Variants in GABRB3 observed in about 807,000 individuals in gnomAD.
GABRB3 encodes the protein gamma-aminobutyric acid type A receptor subunit beta3, also known as gamma-aminobutyric acid receptor subunit beta-3.
A neutral mutation model predicts 52.1 loss-of-function variants in GABRB3; 14 were observed. That is an observed-to-expected ratio of 0.27 (90% confidence interval 0.18 to 0.42). The LOEUF (loss-of-function observed/expected upper bound fraction) is 0.42. Ranked by LOEUF, GABRB3 falls within the 10% of genes least tolerant of loss-of-function variation. The pLI, the probability that GABRB3 is intolerant of heterozygous loss-of-function variation, is 1.00. For synonymous variants in GABRB3, 260 were observed against 232.3 expected (o/e 1.12, Z -1.08); for missense variants, 307 against 609.1 (o/e 0.50, Z 5.22).
intron 8 of GABRB3, chr15:26,550,075 A>G (rs1283895520): frequency 6.6e-6 from 1 of 152,180 alleles, no homozygotes; most frequent in Non-Finnish European, 1.5e-5. Flanking sequence ...ACATACCCTA[A>G]GATAGGAAGA....
intron 3 of GABRB3, among the ~76,000 whole-genome samples, chr15:26,765,558 T>C (rs1393792374): frequency 6.6e-6 from 1 of 152,258 alleles, no homozygotes; most frequent in Non-Finnish European, 1.5e-5. Flanking sequence ...ACTTTCTTCA[T>C]GCACTTATAT....
chr15:26,708,588 G>C (rs1178854144), intron 3 of GABRB3, among the ~76,000 whole-genome samples: 1 of 152,188 alleles, frequency 6.6e-6, no homozygotes. Flanking sequence ...CAGGGAATAG[G>C]CGATGAAGCT....
chr15:26,603,705 A>G (rs1367386520), intron 4 of GABRB3, among the ~76,000 whole-genome samples: 1 of 152,124 alleles, frequency 6.6e-6, no homozygotes, highest in Non-Finnish European at 1.5e-5. Flanking sequence ...CTAAAAAATC[A>G]TTGCATAAAA....
intron 4 of GABRB3, among the ~76,000 whole-genome samples, chr15:26,593,085 A>G (rs1276599319): frequency 6.6e-6 from 1 of 152,160 alleles, no homozygotes; most frequent in Non-Finnish European, 1.5e-5. Flanking sequence ...CCCAGATAAC[A>G]TTCCCAGGTG....
intron 6 of GABRB3, among the ~76,000 whole-genome samples, chr15:26,579,093 G>A (rs371591207): frequency 1.1e-4 from 17 of 152,310 alleles, no homozygotes; most frequent in African/African-American, 4.1e-4. Context: ...TAGGGGCTGG[G>A]GTGGAGAGGA....
intron 4 of GABRB3, among the ~76,000 whole-genome samples, chr15:26,604,387 G>A (rs1231103923): frequency 6.6e-6 from 1 of 152,030 alleles, no homozygotes; most frequent in Non-Finnish European, 1.5e-5. Flanking sequence ...AAATACCAAT[G>A]ACATTCTTCA....
Position 26,547,974 on chromosome 15 carries a change from C to T in GABRB3, c.1241G>A (p.Arg414Gln), listed in dbSNP as rs373229638. The T allele has an allele frequency of 1.2e-5, 20 of 1,614,072 alleles. No individual in the cohort carries two copies. The highest frequency in any genetic ancestry group is 3.3e-5 in the Admixed American group (2 of 60,004). Residue 414 changes from arginine (R) to glutamine (Q), a missense_variant, in exon 9 of 9, where the codon CGA becomes CAA. Around this residue, in one of 6 missense-constraint regions of GABRB3, gnomAD observed 115 missense variants for 166.9 expected, o/e 0.69. Coordinates refer to ENST00000311550, the MANE Select transcript of GABRB3 (RefSeq NM_000814.6). ...CGGGAGGCTTCTGTCCCCCAGGAAT[C>T]GCCCATGCCCTTCTCGAGGCATGCT... ...KQSMPREGHG[R>Q]FLGDRSLPHK...
chr15:26,691,248 GTA>G (rs1204994207), intron 3 of GABRB3, among the ~76,000 whole-genome samples: 1 of 151,766 alleles, frequency 6.6e-6, no homozygotes, highest in Non-Finnish European at 1.5e-5. Context: ...TATGAGTTTT[GTA>G]TATGAGTTTC....
intron 3 of GABRB3, among the ~76,000 whole-genome samples, chr15:26,741,730 T>A (rs1179170875): frequency 6.6e-6 from 1 of 152,082 alleles, no homozygotes; most frequent in Non-Finnish European, 1.5e-5. Context: ...TGCCTCAGCC[T>A]CCCGAGTAGG....
chr15:26,556,999 T>G (rs1026142088), intron 8 of GABRB3, among the ~76,000 whole-genome samples: 1 of 152,130 alleles, frequency 6.6e-6, no homozygotes, highest in African/African-American at 2.4e-5. Context: ...CACAGCATTA[T>G]TCACAATAGT....
intron 3 of GABRB3, among the ~76,000 whole-genome samples, chr15:26,760,565 C>T (rs1053252960): frequency 4.6e-5 from 7 of 152,050 alleles, no homozygotes; most frequent in Non-Finnish European, 1.0e-4. Flanking sequence ...AAATCTTAAG[C>T]CTGGAGAACC....
chr15:26,674,468 G>GAA (rs1202087889), intron 3 of GABRB3, among the ~76,000 whole-genome samples: 1 of 83,922 alleles, frequency 1.2e-5, no homozygotes, highest in Non-Finnish European at 2.5e-5. Flanking sequence ...AAAAGAAAAA[G>GAA]AAAGAAAGAA....
At chr15:26,590,265 G>A (rs971928715) in intron 4 of GABRB3, 2 of 152,134 alleles carry the variant, frequency 1.3e-5, no homozygotes, top group Non-Finnish European at 2.9e-5. Flanking sequence ...TAAGCTAGCA[G>A]GACCTGGAAG....
intron 3 of GABRB3, among the ~76,000 whole-genome samples, chr15:26,694,262 C>T (rs1202803378): frequency 6.6e-6 from 1 of 152,172 alleles, no homozygotes; most frequent in Non-Finnish European, 1.5e-5. Context: ...TCTTCTCTCA[C>T]TTAACGGGGA....
chr15:26,580,605 G>A, intron 5 of GABRB3, 149 bp from the exon 6 acceptor site: 1 of 1,005,366 alleles, frequency 9.9e-7, no homozygotes, highest in South Asian at 1.3e-5. Flanking sequence ...TGTCATCAAA[G>A]AACTAACTTT....
chr15:26,735,955 CAAAAAAA>C (rs34968150), intron 3 of GABRB3, among the ~76,000 whole-genome samples: 1 of 72,284 alleles, frequency 1.4e-5, no homozygotes, highest in Non-Finnish European at 2.9e-5. Flanking sequence ...ACCTTGTCTT[CAAAAAAA>C]AAAAAAAAAG....
intron 3 of GABRB3, among the ~76,000 whole-genome samples, chr15:26,686,311 A>G (rs561956361): frequency 1.3e-5 from 2 of 152,310 alleles, no homozygotes; most frequent in East Asian, 3.9e-4. Flanking sequence ...ACTATTTTGA[A>G]AAAGGACTGG....
chr15:26,651,736 G>A lies in GABRB3; in HGVS notation c.241-30202C>T, dbSNP rs551475347. 1.6e-4 allele frequency among the ~76,000 whole-genome samples: 25 copies of A among 152,150 alleles called. 1 individual carries two copies. The Middle Eastern group carries it at 0.021, about 125-fold the overall frequency. ...TTTTGATGGGCTTTTTTCTTAACCC[G>A]ATATGATGTGCCTTGCTCTCCAACC... is the stretch of plus-strand genomic sequence containing the variant. On this transcript the variant is annotated intron_variant, in intron 3 of 8. Transcript: ENST00000311550.
chr15:26,599,994 T>G (rs1891529421), intron 4 of GABRB3, among the ~76,000 whole-genome samples: 1 of 151,944 alleles, frequency 6.6e-6, no homozygotes. Context: ...TTTAATACAA[T>G]ATGAAAAATA....
Sources: gnomAD v4.1 joint callset for allele counts (sites outside exome capture counted in the v4.1 genomes callset) on GRCh38, gnomAD v4.1.1 for gene constraint, gnomAD v4.1.1 regional missense constraint, MANE v1.5 for transcripts, NCBI Gene and HGNC (gene_info 2026-07-23, HGNC 2026-07-21) for gene names.